The following NKAIN2 variants were observed in gnomAD, a reference collection of about 807,000 sequenced individuals.
The protein encoded by NKAIN2 is sodium/potassium transporting ATPase interacting 2.
A neutral mutation model predicts 32.6 loss-of-function variants in NKAIN2; 14 were observed. That is an observed-to-expected ratio of 0.43 (90% CI 0.28 to 0.67). The LOEUF (loss-of-function observed/expected upper bound fraction) is 0.67. NKAIN2 is among the 30% of genes least tolerant of loss of function. The pLI is 0.17. For synonymous variants in NKAIN2, 80 were observed against 87.2 expected, an observed-to-expected ratio of 0.92 and a Z score of 0.46; for missense variants, 198 against 258.3, an observed-to-expected ratio of 0.77 and a Z score of 1.60.
At chr6:124,796,474 G>T (rs2114819948) in intron 5 of NKAIN2, among the ~76,000 whole-genome samples, 1 of 152,270 alleles carries the variant, frequency 6.6e-6, no homozygotes, top group South Asian at 2.1e-4. Flanking sequence ...CTCCACGTGT[G>T]TCCTGGACAC....
intron 1 of NKAIN2, among the ~76,000 whole-genome samples, chr6:124,000,626 T>C (rs1254165544): frequency 6.6e-6 from 1 of 152,016 alleles, no homozygotes; most frequent in Non-Finnish European, 1.5e-5. Flanking sequence ...GAAACCTGGG[T>C]TCTTAAATTA....
intron 3 of NKAIN2, among the ~76,000 whole-genome samples, chr6:124,612,673 C>T (rs1782736669): frequency 6.6e-6 from 1 of 152,088 alleles, no homozygotes; most frequent in South Asian, 2.1e-4. Context: ...ACTATTGAAT[C>T]AAATGATCCC....
rs534677354 is a variant in NKAIN2, at chr6:123,952,896, C to T, written c.54+148642C>T. 2.4e-4 allele frequency among the ~76,000 whole-genome samples: 37 copies of T among 152,000 alleles called. No homozygotes were observed. In the South Asian group the frequency reaches 2.9e-3, roughly 12 times the overall value. On this transcript the variant is annotated intron_variant, in intron 1 of 6. Transcript: ENST00000368417. ...CATGTATTTCTGTTTGATTAGAAACCGTTGTTGGAGAGTCACTGTATTACT... is the reference window on the plus strand; with the variant it reads ...CATGTATTTCTGTTTGATTAGAAACTGTTGTTGGAGAGTCACTGTATTACT...
intron 1 of NKAIN2, among the ~76,000 whole-genome samples, chr6:123,879,868 T>C (rs1773369507): frequency 6.6e-6 from 1 of 152,166 alleles, no homozygotes; most frequent in Admixed American, 6.5e-5. Flanking sequence ...GCAGATGCCC[T>C]TATGACTCTT....
intron 1 of NKAIN2, among the ~76,000 whole-genome samples, chr6:123,927,051 C>T (rs1428637499): frequency 6.6e-6 from 1 of 152,168 alleles, no homozygotes; most frequent in Non-Finnish European, 1.5e-5. Flanking sequence ...TGCTGTGTTA[C>T]ACCTCTGGGG....
intron 1 of NKAIN2, among the ~76,000 whole-genome samples, chr6:124,129,249 AAAG>A (rs1030993842): frequency 5.3e-5 from 8 of 152,162 alleles, no homozygotes; most frequent in African/African-American, 1.9e-4. Flanking sequence ...ATAATACAGG[AAAG>A]AAGGAGGAGA....
intron 1 of NKAIN2, among the ~76,000 whole-genome samples, chr6:123,880,228 G>A (rs888035692): frequency 6.6e-6 from 1 of 152,150 alleles, no homozygotes; most frequent in African/African-American, 2.4e-5. Context: ...TTGTTAGGTG[G>A]GAGAGAAGTT....
intron 3 of NKAIN2, among the ~76,000 whole-genome samples, chr6:124,484,222 C>A (rs908236749): frequency 2.0e-5 from 3 of 152,160 alleles, no homozygotes; most frequent in Non-Finnish European, 2.9e-5. Flanking sequence ...AAAATATTTC[C>A]ATTTCAGGAA....
chr6:124,363,041 G>A (rs190729186), intron 3 of NKAIN2, among the ~76,000 whole-genome samples: 6 of 152,008 alleles, frequency 3.9e-5, no homozygotes, highest in South Asian at 4.2e-4. Context: ...TGCAATGTTC[G>A]CCAGGCTGGT....
chr6:123,854,075 T>C (rs749474743), intron 1 of NKAIN2, among the ~76,000 whole-genome samples: 2 of 152,276 alleles, frequency 1.3e-5, no homozygotes, highest in East Asian at 1.9e-4. Flanking sequence ...ACCCGCCCGA[T>C]AAATTTTCTT....
chr6:124,414,555 G>A (rs887520411), intron 3 of NKAIN2, among the ~76,000 whole-genome samples: 2 of 152,094 alleles, frequency 1.3e-5, no homozygotes, highest in East Asian at 1.9e-4. Flanking sequence ...TAAATTTTCT[G>A]TAAGACTGTT....
chr6:124,297,353 T>C (rs1000475410), intron 2 of NKAIN2, among the ~76,000 whole-genome samples: 5 of 152,134 alleles, frequency 3.3e-5, no homozygotes, highest in Non-Finnish European at 5.9e-5. Flanking sequence ...GAAAAGAAAA[T>C]ATTAAGAAAA....
intron 3 of NKAIN2, among the ~76,000 whole-genome samples, chr6:124,535,511 A>T (rs915514091): frequency 7.2e-5 from 11 of 152,240 alleles, no homozygotes; most frequent in Non-Finnish European, 1.5e-4. Context: ...TTGGGATGAA[A>T]GAGTAAACAA....
At chr6:123,846,919 C>T (rs1383318486) in intron 1 of NKAIN2, among the ~76,000 whole-genome samples, 1 of 152,156 alleles carries the variant, frequency 6.6e-6, no homozygotes, top group Non-Finnish European at 1.5e-5. Context: ...ATTCCAGGCA[C>T]TGTACTGGAG....
At chr6:123,962,826 A>T (rs1374066661) in intron 1 of NKAIN2, among the ~76,000 whole-genome samples, 2 of 152,180 alleles carry the variant, frequency 1.3e-5, no homozygotes, top group Non-Finnish European at 2.9e-5. Context: ...CTAACGCTGT[A>T]CGTACAGCTT....
At chr6:123,959,925 ATG>A (rs6149793) in intron 1 of NKAIN2, among the ~76,000 whole-genome samples, 14,784 of 141,012 alleles carry the variant, frequency 0.1, 754 homozygotes, top group East Asian at 0.19. Context: ...TCTTCCATAT[ATG>A]TGTGTGTGTG....
intron 1 of NKAIN2, among the ~76,000 whole-genome samples, chr6:124,134,554 C>T (rs928781376): frequency 2.6e-5 from 4 of 152,052 alleles, no homozygotes; most frequent in African/African-American, 7.2e-5. Flanking sequence ...CATGGTGGTA[C>T]ATGCCTGCAG....
chr6:124,265,644 C>T (rs1024467824), intron 1 of NKAIN2, among the ~76,000 whole-genome samples: 2 of 152,204 alleles, frequency 1.3e-5, no homozygotes, highest in Non-Finnish European at 2.9e-5. Context: ...GTAGATTGTG[C>T]TTTACTGACC....
intron 2 of NKAIN2, among the ~76,000 whole-genome samples, chr6:124,328,649 G>T (rs946004839): frequency 2.6e-5 from 4 of 152,156 alleles, no homozygotes; most frequent in Non-Finnish European, 1.5e-5. Context: ...GTGTTATAGG[G>T]CTCTCTAAAG....
Sources: gnomAD v4.1 joint callset for allele counts (sites outside exome capture counted in the v4.1 genomes callset) on GRCh38, gnomAD v4.1.1 for gene constraint, MANE v1.5 for transcripts, NCBI Gene and HGNC (gene_info 2026-07-23, HGNC 2026-07-21) for gene names.